TLCD4: variants seen among roughly 807,000 people sequenced by gnomAD.
TLCD4 encodes the protein TLC domain containing 4.
Under a neutral mutation model 24.2 loss-of-function variants are expected in TLCD4, and 7 were observed. That is an observed-to-expected ratio of 0.29 (90% confidence interval 0.16 to 0.54). TLCD4 has a LOEUF of 0.54. Among genes scored for constraint, TLCD4 ranks in the 20% least tolerant of loss-of-function variants. The pLI is 0.95. For missense variants in TLCD4, 259 were observed against 313.9 expected (o/e 0.82, Z 1.32); for synonymous variants, 103 against 106.4 (o/e 0.97, Z 0.20).
chr1:95,093,071 A>G, the TLCD4 span, among the ~76,000 whole-genome samples: 1 of 152,224 alleles, frequency 6.6e-6, no homozygotes, highest in African/African-American at 2.4e-5. Flanking sequence ...TTCTATTGCT[A>G]AAGAAACCAC....
At chr1:95,110,123 TA>T in the TLCD4 span, among the ~76,000 whole-genome samples, 1 of 150,836 alleles carries the variant, frequency 6.6e-6, no homozygotes, top group African/African-American at 2.4e-5. Context: ...AATGTATATT[TA>T]AAAAATATAT....
chr1:95,167,358 A>C (rs918457618), intron 5 of TLCD4, among the ~76,000 whole-genome samples: 1 of 152,116 alleles, frequency 6.6e-6, no homozygotes, highest in Non-Finnish European at 1.5e-5. Context: ...TAATTTGCTC[A>C]AATAGAGGAA....
rs1679229311 is a variant in TLCD4, at chr1:95,197,155, C to T, written c.*5287C>T. On this transcript the variant is annotated 3_prime_UTR_variant, in exon 7 of 7. Transcript: ENST00000370203. ...TAATACCATTTTGAGAACATACCTTCTAATTTATTTCCATAAGGCTGAAGA... is the reference window on the plus strand; with the variant it reads ...TAATACCATTTTGAGAACATACCTTTTAATTTATTTCCATAAGGCTGAAGA... The T allele has an allele frequency of 6.6e-6, 1 of 152,072 alleles. No homozygotes were observed. Among genetic ancestry groups the T allele is most frequent in the South Asian group, 2.1e-4 (1 of 4,828 alleles). 9.4% of individuals were successfully genotyped at this position (152,072 alleles called of 1,614,324 possible).
rs973173585 is a variant in TLCD4 at position 95,117,560 on chromosome 1, C to T, written c.-69C>T. The T allele has an allele frequency of 3.3e-5, 5 of 153,316 alleles. No homozygotes were observed. The highest frequency in any genetic ancestry group is 1.9e-4 in the East Asian group (1 of 5,166). The allele number at this position is 153,316 out of a possible 1,614,324, so 9.5% of individuals were successfully genotyped here. On this transcript the variant is annotated 5_prime_UTR_variant, in exon 1 of 7. Transcript: ENST00000370203. ...CAGACTCCTGTAGACACCCGCCGCCCTCTCCCGGCTCGGCGCAGCCGCCGC... is the reference window on the plus strand; with the variant it reads ...CAGACTCCTGTAGACACCCGCCGCCTTCTCCCGGCTCGGCGCAGCCGCCGC...
At chr1:95,106,719 C>A in the TLCD4 span, among the ~76,000 whole-genome samples, 1 of 152,046 alleles carries the variant, frequency 6.6e-6, no homozygotes, top group African/African-American at 2.4e-5. Flanking sequence ...AAAACAACAA[C>A]AACAAAACCA....
the TLCD4 span, among the ~76,000 whole-genome samples, chr1:95,107,925 TG>T: frequency 1.3e-5 from 2 of 152,230 alleles, no homozygotes; most frequent in Admixed American, 6.5e-5. Flanking sequence ...GAGGCTGTCG[TG>T]AGAGATGAAT....
chr1:95,123,615 A>C (rs1280336156), intron 1 of TLCD4, among the ~76,000 whole-genome samples: 1 of 152,232 alleles, frequency 6.6e-6, no homozygotes, highest in Non-Finnish European at 1.5e-5. Flanking sequence ...TTTCACTCCT[A>C]AACACACCTA....
chr1:95,136,354 C>A (rs569846394), intron 1 of TLCD4, among the ~76,000 whole-genome samples: 1 of 152,236 alleles, frequency 6.6e-6, no homozygotes, highest in Admixed American at 6.5e-5. Context: ...AAGTCCTATA[C>A]TTTGGTATTG....
In TLCD4 at chr1:95,173,833, A is replaced by G. The variant is rs764270087; in HGVS notation, c.417A>G (p.Ala139=). The change falls in exon 6 of 7, where the codon GCA becomes GCG. Residue 139 remains alanine (A), a synonymous_variant. Transcript: ENST00000370203. ...TCATTCAGAAAAATGGAGTGCTGGC[A>G]TACATTGGGAATTTTCGCCTGCTTG... ...YYLVLKNGVL[A]YIGNFRLLAE... is the part of the protein sequence containing the mutation. The G allele has an allele frequency of 9.3e-6, 15 of 1,614,158 alleles. No individual in the cohort carries two copies. The highest frequency in any genetic ancestry group is 1.3e-5 in the Non-Finnish European group (15 of 1,180,022).
chr1:95,147,750 T>A (rs944535653), intron 2 of TLCD4, among the ~76,000 whole-genome samples: 1 of 148,506 alleles, frequency 6.7e-6, no homozygotes, highest in Admixed American at 6.7e-5. Context: ...TACCTCTCAT[T>A]TTTTATCCTA....
the TLCD4 span, among the ~76,000 whole-genome samples, chr1:95,109,106 T>A: frequency 6.6e-6 from 1 of 152,114 alleles, no homozygotes; most frequent in Non-Finnish European, 1.5e-5. Context: ...GGTGGGCAGA[T>A]AGCTTGAGCT....
chr1:95,100,114 A>G, the TLCD4 span, among the ~76,000 whole-genome samples: 2 of 152,070 alleles, frequency 1.3e-5, no homozygotes, highest in South Asian at 2.1e-4. Flanking sequence ...CAAAAAAAAT[A>G]TGTATATGCA....
rs573421986 is a variant in TLCD4 at position 95,174,854 on chromosome 1, C to A, written c.473+965C>A. On this transcript the variant is annotated intron_variant, in intron 6 of 6. Transcript: ENST00000370203. ...GCAATGGCGCCATCTCTGCTCACTGCAACCTCCACCTCCTAGGTTCAGGTG... is the reference window on the plus strand; with the variant it reads ...GCAATGGCGCCATCTCTGCTCACTGAAACCTCCACCTCCTAGGTTCAGGTG... Among the ~76,000 whole-genome samples the A allele has an allele frequency of 2.6e-5, 4 of 152,258 alleles. No homozygotes were observed. The South Asian group carries it at 8.3e-4, about 32-fold the overall frequency.
chr1:95,111,718 A>G, the TLCD4 span, among the ~76,000 whole-genome samples: 13 of 152,316 alleles, frequency 8.5e-5, no homozygotes, highest in African/African-American at 3.1e-4. Context: ...GGGGCAGGGC[A>G]CAGGCTGAAA....
chr1:95,162,845 C>T (rs1053779900), intron 5 of TLCD4, among the ~76,000 whole-genome samples: 3 of 152,222 alleles, frequency 2.0e-5, no homozygotes, highest in Non-Finnish European at 2.9e-5. Context: ...TCTGTTCTGG[C>T]TTGTAGAGTT....
At chr1:95,109,491 ATT>A in the TLCD4 span, among the ~76,000 whole-genome samples, 6 of 139,968 alleles carry the variant, frequency 4.3e-5, no homozygotes, top group African/African-American at 5.3e-5. Flanking sequence ...TAAGTTTTGC[ATT>A]TTTTTTTTTT....
intron 6 of TLCD4, among the ~76,000 whole-genome samples, chr1:95,182,386 A>G (rs1174001503): frequency 6.6e-6 from 1 of 152,068 alleles, no homozygotes; most frequent in Non-Finnish European, 1.5e-5. Context: ...TTGTAGCAGA[A>G]ATGCCTTATG....
intron 5 of TLCD4, among the ~76,000 whole-genome samples, 163 bp downstream of exon 5, chr1:95,151,582 A>G (rs1345619417): frequency 6.6e-6 from 1 of 152,160 alleles, no homozygotes; most frequent in Non-Finnish European, 1.5e-5. Flanking sequence ...ATTAACTAAA[A>G]TAATACCTTT....
At chr1:95,170,655 AT>A (rs1430216857) in intron 5 of TLCD4, among the ~76,000 whole-genome samples, 1 of 152,116 alleles carries the variant, frequency 6.6e-6, no homozygotes, top group Non-Finnish European at 1.5e-5. Context: ...TAAGATGTTT[AT>A]GTCTGGTGTC....
Sources: gnomAD v4.1 joint callset for allele counts (sites outside exome capture counted in the v4.1 genomes callset) on GRCh38, gnomAD v4.1.1 for gene constraint, MANE v1.5 for transcripts, NCBI Gene and HGNC (gene_info 2026-07-23, HGNC 2026-07-21) for gene names.